The following THADA variants were observed in gnomAD, a reference collection of about 807,000 sequenced individuals.
THADA encodes the protein tRNA (32-2'-O)-methyltransferase regulator THADA.
Under a neutral mutation model 219.8 loss-of-function variants are expected in THADA, and 213 were observed. The observed-to-expected ratio is 0.97, with a 90% CI of 0.87 to 1.09. THADA has a LOEUF of 1.09. THADA is among the 50% of genes least tolerant of loss of function. The pLI is 0.00. For synonymous variants in THADA, 1,018 were observed against 828.9 expected (o/e 1.23, Z -3.92); for missense variants, 2,956 against 2,311.3 (o/e 1.28, Z -5.72).
intron 21 of THADA, among the ~76,000 whole-genome samples, chr2:43,537,420 A>G (rs1694750979): frequency 6.6e-6 from 1 of 152,260 alleles, no homozygotes; most frequent in Non-Finnish European, 1.5e-5. Context: ...GGATGTGGTT[A>G]CATGCACAAC....
At chr2:43,379,470 G>C (rs946768167) in intron 29 of THADA, among the ~76,000 whole-genome samples, 44 of 152,162 alleles carry the variant, frequency 2.9e-4, no homozygotes, top group African/African-American at 1.0e-3. Context: ...TAAAAGACAA[G>C]AACTATAAAA....
In THADA at chr2:43,498,909, A is replaced by C. The variant is rs1300334091; in HGVS notation, c.3668T>G (p.Leu1223Arg). Residue 1223 changes from leucine to arginine, a missense_variant, in exon 25 of 38, where the codon CTG becomes CGG. Transcript: ENST00000405975. ...ILRALFRDTR[L>R]GENIIPYVAD... The stretch of plus-strand genomic sequence containing the variant: ...AACATAAGGAATAATATTTTCTCCC[A>C]GGCGCGTATCTCTGAACAATGCTCT... The C allele has an allele frequency of 1.3e-6, 2 of 1,599,102 alleles. No individual in the cohort carries two copies. Among genetic ancestry groups the C allele is most frequent in the African/African-American group, 2.7e-5 (2 of 74,750 alleles).
At chr2:43,555,656 C>T (rs1697261947) in intron 17 of THADA, among the ~76,000 whole-genome samples, 1 of 152,070 alleles carries the variant, frequency 6.6e-6, no homozygotes, top group Admixed American at 6.6e-5. Context: ...GGCCATATTC[C>T]CACCAGAACT....
intron 36 of THADA, among the ~76,000 whole-genome samples, chr2:43,274,647 G>A (rs1672508071): frequency 6.6e-6 from 1 of 152,128 alleles, no homozygotes; most frequent in Non-Finnish European, 1.5e-5. Context: ...GAGAAGATGG[G>A]ATTTAATGCA....
At chr2:43,411,195 G>C (rs931711880) in intron 28 of THADA, among the ~76,000 whole-genome samples, 1 of 152,156 alleles carries the variant, frequency 6.6e-6, no homozygotes, top group Non-Finnish European at 1.5e-5. Flanking sequence ...ACTTGCCCAG[G>C]CTCACAAAGG....
intron 31 of THADA, among the ~76,000 whole-genome samples, chr2:43,297,932 G>A (rs1380706294): frequency 2.2e-5 from 2 of 90,586 alleles, no homozygotes; most frequent in Admixed American, 2.0e-4. Flanking sequence ...CCGGCCAGCC[G>A]CCATCCGGGA....
chr2:43,426,769 A>T (rs1678499710), intron 28 of THADA, among the ~76,000 whole-genome samples: 1 of 152,178 alleles, frequency 6.6e-6, no homozygotes, highest in African/African-American at 2.4e-5. Context: ...ATACATAAGA[A>T]ATACTCTCTT....
chr2:43,493,582 G>A (rs75323790), intron 25 of THADA, among the ~76,000 whole-genome samples: 2,653 of 152,228 alleles, frequency 0.017, 146 homozygotes, highest in East Asian at 0.13. Context: ...TGGGAAAGCC[G>A]AGAATTGCCT....
intron 22 of THADA, among the ~76,000 whole-genome samples, chr2:43,511,995 T>A (rs989183375): frequency 6.6e-6 from 1 of 152,220 alleles, no homozygotes; most frequent in African/African-American, 2.4e-5. Context: ...TTGGCTAGTA[T>A]AACTGTAAAC....
At chr2:43,329,281 T>C (rs757796005) in intron 30 of THADA, among the ~76,000 whole-genome samples, 12 of 152,228 alleles carry the variant, frequency 7.9e-5, no homozygotes, top group Non-Finnish European at 1.5e-4. Flanking sequence ...AAATCTTATA[T>C]AGAATGTTAA....
At chr2:43,458,532 T>C (rs1034716213) in intron 26 of THADA, among the ~76,000 whole-genome samples, 2 of 152,284 alleles carry the variant, frequency 1.3e-5, no homozygotes, top group Admixed American at 6.5e-5. Flanking sequence ...TGCAAGTACT[T>C]TGAAATCACC....
At chr2:43,540,967 T>C (rs1695222391) in intron 21 of THADA, among the ~76,000 whole-genome samples, 192 bp downstream of exon 21, 1 of 152,220 alleles carries the variant, frequency 6.6e-6, no homozygotes, top group South Asian at 2.1e-4. Flanking sequence ...AAAAAATTTC[T>C]AAAAATGCCA....
At chr2:43,319,186 T>C (rs1403229418) in intron 31 of THADA, among the ~76,000 whole-genome samples, 1 of 152,246 alleles carries the variant, frequency 6.6e-6, no homozygotes, top group Non-Finnish European at 1.5e-5. Flanking sequence ...TAGACTCCAG[T>C]TGACTTAAGG....
At chr2:43,580,680 G>C (rs1460579754) in intron 8 of THADA, among the ~76,000 whole-genome samples, 1 of 151,892 alleles carries the variant, frequency 6.6e-6, no homozygotes, top group African/African-American at 2.4e-5. Flanking sequence ...TTCCAGACCA[G>C]CCTGGCCAAC....
intron 9 of THADA, 101 bp from the exon 10 acceptor site, chr2:43,577,343 AG>A (rs1217155324): frequency 1.1e-6 from 1 of 936,770 alleles, no homozygotes; most frequent in Non-Finnish European, 1.6e-6. Flanking sequence ...GAAAAATCCT[AG>A]GAAAAATGAC....
In THADA at chr2:43,498,970, T is replaced by C; in HGVS notation, c.3622-15A>G. On this transcript the variant is annotated splice_polypyrimidine_tract_variant and intron_variant, in intron 24 of 37. Transcript: ENST00000405975. Reference sequence around the variant, plus strand: ...AAAGCATGAACCTAAAACAAGAAGTTCAAAATTAGTTGTGGGTTGAAAACC... The same window carrying C: ...AAAGCATGAACCTAAAACAAGAAGTCCAAAATTAGTTGTGGGTTGAAAACC... 6.4e-7 allele frequency: 1 copy of C among 1,553,430 alleles called. No homozygotes were observed. Among genetic ancestry groups the C allele is most frequent in the Non-Finnish European group, 8.7e-7 (1 of 1,147,930 alleles).
chr2:43,273,662 T>A (rs1012411012), intron 36 of THADA, among the ~76,000 whole-genome samples: 1 of 152,082 alleles, frequency 6.6e-6, no homozygotes, highest in Non-Finnish European at 1.5e-5. Flanking sequence ...CCTTAGAGGT[T>A]CCAGGAGTGG....
At chr2:43,425,793 G>T (rs747820070) in intron 28 of THADA, among the ~76,000 whole-genome samples, 3 of 152,184 alleles carry the variant, frequency 2.0e-5, no homozygotes, top group Non-Finnish European at 4.4e-5. Flanking sequence ...CAGAAGATGT[G>T]TTATCACCCT....
chr2:43,476,244 G>A (rs2055788119), intron 26 of THADA, among the ~76,000 whole-genome samples: 1 of 152,188 alleles, frequency 6.6e-6, no homozygotes, highest in African/African-American at 2.4e-5. Context: ...AGGAAATGCT[G>A]TTGCTCTTAA....
Sources: gnomAD v4.1 joint callset for allele counts (sites outside exome capture counted in the v4.1 genomes callset) on GRCh38, gnomAD v4.1.1 for gene constraint, MANE v1.5 for transcripts, NCBI Gene and HGNC (gene_info 2026-07-23, HGNC 2026-07-21) for gene names.